RERE: variants seen among roughly 807,000 people sequenced by gnomAD.
RERE encodes the protein arginine-glutamic acid dipeptide repeats protein.
RERE carries 40 observed loss-of-function variants against 146.1 expected under a neutral mutation model. That is an observed-to-expected ratio of 0.27 (90% CI 0.21 to 0.36). RERE has a LOEUF of 0.36. Ranked by LOEUF, RERE falls within the 10% of genes least tolerant of loss-of-function variation. The probability of loss-of-function intolerance (pLI) is 1.00; values close to 1 mark genes in which losing one functional copy is unlikely to be tolerated. For synonymous variants in RERE, 1,003 were observed against 866.0 expected, an observed-to-expected ratio of 1.16 and a Z score of -2.78; for missense variants, 1,933 against 2,138.7, an observed-to-expected ratio of 0.90 and a Z score of 1.90.
intron 10 of RERE, among the ~76,000 whole-genome samples, chr1:8,479,803 T>C (rs1336602099): frequency 6.6e-6 from 1 of 152,206 alleles, no homozygotes; most frequent in East Asian, 1.9e-4. Context: ...TTTGGGTAAT[T>C]TGTTACAGTA....
chr1:8,487,373 G>C (rs1325708505), intron 10 of RERE, among the ~76,000 whole-genome samples: 1 of 152,084 alleles, frequency 6.6e-6, no homozygotes, highest in Non-Finnish European at 1.5e-5. Flanking sequence ...GGGCCCAGGA[G>C]TTCGAGACCA....
chr1:8,706,113 C>CAAAAAAAAAAAA (rs61016240), intron 1 of RERE, among the ~76,000 whole-genome samples: 1 of 69,190 alleles, frequency 1.4e-5, no homozygotes, highest in East Asian at 4.3e-4. Context: ...ACTCCGTCTC[C>CAAAAAAAAAAAA]AAAAAAAAAA....
intron 1 of RERE, among the ~76,000 whole-genome samples, chr1:8,728,502 A>G (rs1479081422): frequency 1.3e-5 from 2 of 151,960 alleles, no homozygotes; most frequent in South Asian, 2.1e-4. Context: ...GTTTAGAGCG[A>G]AAAAGTCTAT....
chr1:8,734,691 T>A (rs1273575088), intron 1 of RERE, among the ~76,000 whole-genome samples: 2 of 152,248 alleles, frequency 1.3e-5, no homozygotes, highest in Non-Finnish European at 2.9e-5. Flanking sequence ...AAAGAGGACG[T>A]TGCCTAAGTG....
At chr1:8,470,700 G>T (rs1644671708) in intron 10 of RERE, among the ~76,000 whole-genome samples, 1 of 151,908 alleles carries the variant, frequency 6.6e-6, no homozygotes, top group African/African-American at 2.4e-5. Flanking sequence ...CCTCCTTAGG[G>T]AACCAAGGGG....
At chr1:8,357,966 G>GCTGGGTGAGGCCTTGCAGTTGTC (rs1196389935) in intron 20 of RERE, among the ~76,000 whole-genome samples, 3 of 152,258 alleles carry the variant, frequency 2.0e-5, no homozygotes, top group Non-Finnish European at 4.4e-5. Flanking sequence ...CTTCACCCGT[G>GCTGGGTGAGGCCTTGCAGTTGTC]TGCTGCAGCT....
At chr1:8,713,855 C>T (rs749722981) in intron 1 of RERE, among the ~76,000 whole-genome samples, 1 of 152,078 alleles carries the variant, frequency 6.6e-6, no homozygotes, top group South Asian at 2.1e-4. Flanking sequence ...TTTTCTGATT[C>T]CATTCTTTAT....
intron 10 of RERE, among the ~76,000 whole-genome samples, chr1:8,469,855 C>T (rs1036103439): frequency 2.0e-5 from 3 of 152,066 alleles, no homozygotes; most frequent in African/African-American, 4.8e-5. Context: ...GTGGTTGTTC[C>T]GTTTGTTAGA....
chr1:8,650,879 G>C (rs1427299730), intron 2 of RERE, among the ~76,000 whole-genome samples: 1 of 147,648 alleles, frequency 6.8e-6, no homozygotes, highest in African/African-American at 2.5e-5. Flanking sequence ...CCTGGCGACA[G>C]AGTGAGACTC....
At chr1:8,736,740 C>A (rs1031491980) in intron 1 of RERE, among the ~76,000 whole-genome samples, 19 of 151,318 alleles carry the variant, frequency 1.3e-4, no homozygotes, top group African/African-American at 4.6e-4. Context: ...AGTAAAACTG[C>A]CCTAAGTGTC....
At chr1:8,667,472 T>G (rs1638603087) in intron 1 of RERE, among the ~76,000 whole-genome samples, 1 of 152,148 alleles carries the variant, frequency 6.6e-6, no homozygotes, top group African/African-American at 2.4e-5. Flanking sequence ...GGTCAAGAAT[T>G]TGAGACGAGC....
intron 12 of RERE, among the ~76,000 whole-genome samples, chr1:8,415,574 A>C (rs1643736853): frequency 6.6e-6 from 1 of 152,222 alleles, no homozygotes; most frequent in Non-Finnish European, 1.5e-5. Flanking sequence ...TACACTGAGA[A>C]CGGCAACTGT....
chr1:8,525,769 T>C, intron 7 of RERE: 1 of 1,600,374 alleles, frequency 6.2e-7, no homozygotes, highest in Non-Finnish European at 8.5e-7. Flanking sequence ...CTGCAGGGGC[T>C]GAATGGATCA....
chr1:8,461,029 C>T (rs1644519780), intron 11 of RERE, among the ~76,000 whole-genome samples: 1 of 152,204 alleles, frequency 6.6e-6, no homozygotes, highest in Non-Finnish European at 1.5e-5. Context: ...ACCAACACAA[C>T]AGCAGCAAAT....
chr1:8,625,124 TTTTG>T lies in RERE; in HGVS notation c.326-748_326-745del, dbSNP rs371343162. On this transcript the variant is annotated intron_variant, in intron 2 of 22. Transcript: ENST00000400908. Reference sequence around the variant, plus strand: ...CAATGACTGGAGTGTAAAGCGTTGCTTTTGTTTGTTTGTTTGTTTGTTTTGTTTT... The same window carrying T: ...CAATGACTGGAGTGTAAAGCGTTGCTTTTGTTTGTTTGTTTGTTTTGTTTT... Among the ~76,000 whole-genome samples, 204 of 152,194 alleles carry T rather than the reference TTTTG, an allele frequency of 1.3e-3. 1 individual carries two copies. Among genetic ancestry groups the T allele is most frequent in the Middle Eastern group, 6.8e-3 (2 of 294 alleles).
At chr1:8,648,668 T>A (rs900977363) in intron 2 of RERE, among the ~76,000 whole-genome samples, 1 of 152,234 alleles carries the variant, frequency 6.6e-6, no homozygotes, top group African/African-American at 2.4e-5. Context: ...AAAATAACAC[T>A]TAAGTGATCA....
intron 1 of RERE, among the ~76,000 whole-genome samples, chr1:8,733,068 A>G (rs1482018767): frequency 2.0e-5 from 3 of 151,760 alleles, no homozygotes; most frequent in Non-Finnish European, 2.9e-5. Flanking sequence ...TGATCCGCCC[A>G]CCTCTGCCTC....
chr1:8,648,979 A>T (rs1273202403), intron 2 of RERE, among the ~76,000 whole-genome samples: 1 of 152,060 alleles, frequency 6.6e-6, no homozygotes, highest in Non-Finnish European at 1.5e-5. Context: ...AATAAAAAAA[A>T]AAATCTCACA....
chr1:8,387,473 T>C (rs2124419455), intron 12 of RERE, among the ~76,000 whole-genome samples: 1 of 152,306 alleles, frequency 6.6e-6, no homozygotes, highest in East Asian at 1.9e-4. Context: ...GAGGATAAAA[T>C]CGTTAAAATT....
Sources: gnomAD v4.1 joint callset for allele counts (sites outside exome capture counted in the v4.1 genomes callset) on GRCh38, gnomAD v4.1.1 for gene constraint, MANE v1.5 for transcripts, NCBI Gene and HGNC (gene_info 2026-07-23, HGNC 2026-07-21) for gene names.